Variants in PLEKHA8 observed in about 807,000 individuals in gnomAD.
The protein encoded by PLEKHA8 is pleckstrin homology domain-containing family A member 8.
A neutral mutation model predicts 68.2 loss-of-function variants in PLEKHA8; 36 were observed. That is an observed-to-expected ratio of 0.53 (90% CI 0.40 to 0.70). The LOEUF (loss-of-function observed/expected upper bound fraction) is 0.70. PLEKHA8 is among the 30% of genes least tolerant of loss of function. The pLI is 0.00. For synonymous variants in PLEKHA8, 211 were observed against 216.1 expected (o/e 0.98, Z 0.20); for missense variants, 505 against 615.4 (o/e 0.82, Z 1.90).
intron 3 of PLEKHA8, 44 bp downstream of exon 3, chr7:30,046,409 C>A: frequency 6.6e-7 from 1 of 1,517,654 alleles, no homozygotes; most frequent in South Asian, 1.3e-5. Flanking sequence ...TGGGAATCAC[C>A]CACTGGCATC....
At chr7:30,044,064 A>G (rs1354662836) in intron 1 of PLEKHA8, among the ~76,000 whole-genome samples, 1 of 147,748 alleles carries the variant, frequency 6.8e-6, no homozygotes, top group Non-Finnish European at 1.5e-5. Flanking sequence ...ACGGAGTCTC[A>G]AAAAAGATCT....
rs370300982 is a variant in PLEKHA8, at chr7:30,078,622, T to C, written c.1395T>C (p.Asp465=). ...TAAGGGCAGCTCCATCCTATGAAGA[T>C]TTTGTGGCCGCGTTAACCGTAAAGG... ...LALRAAPSYE[D]FVAALTVKEG... is the part of the protein sequence containing the mutation. The change falls in exon 14 of 14, where the codon GAT becomes GAC. Residue 465 remains aspartate, a synonymous_variant. Transcript: ENST00000449726. 6.2e-7 allele frequency: 1 copy of C among 1,613,838 alleles called. No homozygotes were observed. Among genetic ancestry groups the C allele is most frequent in the Non-Finnish European group, 8.5e-7 (1 of 1,179,834 alleles).
intron 12 of PLEKHA8, among the ~76,000 whole-genome samples, chr7:30,068,574 C>T (rs923698000): frequency 6.6e-6 from 1 of 152,128 alleles, no homozygotes; most frequent in African/African-American, 2.4e-5. Context: ...TCTTTATCAA[C>T]TCCTGGGAGT....
At chr7:30,096,279 T>C (rs1173017080) in intron 13 of PLEKHA8, among the ~76,000 whole-genome samples, 2 of 152,204 alleles carry the variant, frequency 1.3e-5, no homozygotes, top group Non-Finnish European at 2.9e-5. Context: ...TTTATTCTCT[T>C]TGAAGCAATT....
At chr7:30,116,224 ACGTATACATGTATG>A (rs1338983469) in intron 13 of PLEKHA8, among the ~76,000 whole-genome samples, 4 of 149,770 alleles carry the variant, frequency 2.7e-5, no homozygotes, top group East Asian at 1.9e-4. Context: ...ATATGTATAT[ACGTATACATGTATG>A]CGTATACATG....
intron 1 of PLEKHA8, among the ~76,000 whole-genome samples, chr7:30,039,281 G>A (rs1232780367): frequency 6.6e-6 from 1 of 152,170 alleles, no homozygotes; most frequent in African/African-American, 2.4e-5. Context: ...TTGGAAGGCC[G>A]AGGTGGGTGG....
At chr7:30,108,898 A>G (rs151313425) in intron 13 of PLEKHA8, among the ~76,000 whole-genome samples, 52 of 152,320 alleles carry the variant, frequency 3.4e-4, no homozygotes, top group African/African-American at 1.2e-3. Context: ...GTTAAATAGA[A>G]ATAATTCATA....
At position 30,050,423 on chromosome 7, in the gene PLEKHA8, T is replaced by A; in HGVS notation, c.598-11T>A. 1 of 1,574,020 alleles carries A rather than the reference T, an allele frequency of 6.4e-7. No individual in the cohort carries two copies. The highest frequency in any genetic ancestry group is 1.2e-5 in the South Asian group (1 of 83,588). On this transcript the variant is annotated splice_polypyrimidine_tract_variant and intron_variant, in intron 5 of 13. Transcript: ENST00000449726. ...AACATGTGAACTTTCCTTTCTTTGCTTCTTTTAAAGATGAAACATCCTATT... is the reference window on the plus strand; with the variant it reads ...AACATGTGAACTTTCCTTTCTTTGCATCTTTTAAAGATGAAACATCCTATT...
chr7:30,034,076 G>A (rs1446045309), intron 1 of PLEKHA8, among the ~76,000 whole-genome samples: 2 of 132,706 alleles, frequency 1.5e-5, no homozygotes, highest in East Asian at 4.4e-4. Context: ...CCAGGCTGGA[G>A]TGCAGTGGTG....
rs149548208 is a variant in PLEKHA8 at position 30,074,246 on chromosome 7, TTGTG to T, written c.1362+138_1362+141del. 2.5e-4 allele frequency: 122 copies of T among 488,184 alleles called. 1 individual carries two copies. Among genetic ancestry groups the T allele is most frequent in the African/African-American group, 8.9e-4 (44 of 49,308 alleles). The allele number at this position is 488,184 out of a possible 1,614,324, so 30.2% of individuals were successfully genotyped here. A position where few individuals can be genotyped will look rare whatever the true frequency, so the allele number is the denominator to read the frequency against. The stretch of plus-strand genomic sequence containing the variant: ...CTAGTCATGATTGTCAGAAACAAAG[TTGTG>T]TGTGTGTGTGTGTGTGTGTGTGTAT... On this transcript the variant is annotated intron_variant, in intron 13 of 13. Coordinates refer to ENST00000449726, the MANE Select transcript of PLEKHA8 (RefSeq NM_001197026.2).
intron 13 of PLEKHA8, among the ~76,000 whole-genome samples, chr7:30,127,754 G>A (rs895229532): frequency 6.6e-6 from 1 of 152,152 alleles, no homozygotes; most frequent in Non-Finnish European, 1.5e-5. Context: ...AATAAAAATT[G>A]TGTTCAGTGA....
In PLEKHA8 at chr7:30,043,779, A is replaced by G. The variant is rs138583510; in HGVS notation, c.41-1306A>G. Among the ~76,000 whole-genome samples, 67 of 152,242 alleles carry G rather than the reference A, an allele frequency of 4.4e-4. 1 individual carries two copies. The East Asian group carries it at 0.011, about 26-fold the overall frequency. Reference sequence around the variant, plus strand: ...GCTCCAGGAAGTTCAGTAGCCTCCTATTAAAACGTAATAAAGTGATACCAT... The same window carrying G: ...GCTCCAGGAAGTTCAGTAGCCTCCTGTTAAAACGTAATAAAGTGATACCAT... On this transcript the variant is annotated intron_variant, in intron 1 of 13. Transcript: ENST00000449726.
At chr7:30,034,010 CTTTTTTTTTTTTTTTTTTTT>C (rs56796780) in intron 1 of PLEKHA8, among the ~76,000 whole-genome samples, 1 of 34,632 alleles carries the variant, frequency 2.9e-5, no homozygotes, top group African/African-American at 1.3e-4. Context: ...TAAGAGGTTT[CTTTTTTTTTTTTTTTTTTTT>C]TTTTTTTTTT....
chr7:30,126,427 A>T (rs966969641), intron 13 of PLEKHA8, among the ~76,000 whole-genome samples: 4 of 152,220 alleles, frequency 2.6e-5, no homozygotes, highest in Non-Finnish European at 5.9e-5. Flanking sequence ...TCAGGACAAG[A>T]GTTACTTACA....
intron 7 of PLEKHA8, among the ~76,000 whole-genome samples, chr7:30,054,249 C>T (rs1792647411): frequency 6.6e-6 from 1 of 152,156 alleles, no homozygotes. Flanking sequence ...AAGTTTTCAC[C>T]ACTTTGCACG....
intron 12 of PLEKHA8, among the ~76,000 whole-genome samples, chr7:30,064,465 C>T (rs1040970150): frequency 2.0e-5 from 3 of 152,112 alleles, no homozygotes; most frequent in Non-Finnish European, 4.4e-5. Flanking sequence ...ATTGCTTGAA[C>T]CCAGGAGGTC....
At position 30,090,439 on chromosome 7, in the gene PLEKHA8, T is replaced by G. The variant is rs149087345; in HGVS notation, c.*264T>G. 76 of 364,694 alleles carry G rather than the reference T, an allele frequency of 2.1e-4. 1 individual carries two copies. The highest frequency in any genetic ancestry group is 1.4e-3 in the African/African-American group (70 of 49,050). 22.6% of individuals were successfully genotyped at this position (364,694 alleles called of 1,614,324 possible). A position where few individuals can be genotyped will look rare whatever the true frequency, so the allele number is the denominator to read the frequency against. On this transcript the variant is annotated 3_prime_UTR_variant, in exon 13 of 13. Transcript: ENST00000258679. ...ACTCAGAACATAATACCTGAGTGCC[T>G]TCTTAAGGAAACCATTTGATAGGAA...
At chr7:30,128,022 C>A (rs537750852) in intron 13 of PLEKHA8, among the ~76,000 whole-genome samples, 1 of 148,962 alleles carries the variant, frequency 6.7e-6, no homozygotes, top group Non-Finnish European at 1.5e-5. Flanking sequence ...TTTCCCATTT[C>A]TTTGCTTTCA....
chr7:30,053,462 A>G (rs918136499), intron 7 of PLEKHA8, among the ~76,000 whole-genome samples: 1 of 152,216 alleles, frequency 6.6e-6, no homozygotes, highest in African/African-American at 2.4e-5. Flanking sequence ...ATTTCCTTCC[A>G]TCTACCTTGA....
Sources: allele counts gnomAD v4.1 joint callset (sites outside exome capture counted in the v4.1 genomes callset), GRCh38; gene constraint gnomAD v4.1.1; transcripts MANE v1.5; gene names NCBI Gene and HGNC (gene_info 2026-07-23, HGNC 2026-07-21).